The following CSMD1 variants were observed in gnomAD, a reference collection of about 807,000 sequenced individuals.
CSMD1 encodes the protein CUB and sushi domain-containing protein 1.
A neutral mutation model predicts 417.5 loss-of-function variants in CSMD1; 213 were observed. The ratio of observed to expected loss-of-function variants is 0.51; its 90% CI spans 0.46 to 0.57. The LOEUF is 0.57. Ranked by LOEUF, CSMD1 falls within the 20% of genes least tolerant of loss-of-function variation. CSMD1 has a pLI of 0.00. For missense variants in CSMD1, 6,923 were observed against 4,529.7 expected (o/e 1.53, Z -15.17); for synonymous variants, 2,862 against 1,736.8 (o/e 1.65, Z -16.11).
intron 2 of CSMD1, among the ~76,000 whole-genome samples, chr8:4,495,472 G>C (rs1242463260): frequency 6.6e-6 from 1 of 152,086 alleles, no homozygotes. Flanking sequence ...CTACTCGGGA[G>C]GCTGAAGTAG....
chr8:4,097,584 A>C (rs1391604253), intron 3 of CSMD1, among the ~76,000 whole-genome samples: 1 of 152,238 alleles, frequency 6.6e-6, no homozygotes, highest in East Asian at 1.9e-4. Flanking sequence ...TGATTCTAGT[A>C]ACACCCAGAT....
chr8:4,033,441 C>CA (rs1018108093), intron 3 of CSMD1, among the ~76,000 whole-genome samples: 2 of 151,992 alleles, frequency 1.3e-5, no homozygotes, highest in African/African-American at 4.8e-5. Flanking sequence ...GACTCCGCCT[C>CA]AAAAAAACAA....
At chr8:4,016,935 A>T (rs570836718) in intron 4 of CSMD1, among the ~76,000 whole-genome samples, 10 of 152,336 alleles carry the variant, frequency 6.6e-5, no homozygotes, top group Non-Finnish European at 1.2e-4. Context: ...TTGAAATCTC[A>T]AAAGATGAAA....
At chr8:4,004,259 A>G (rs1223807181) in intron 4 of CSMD1, among the ~76,000 whole-genome samples, 1 of 152,120 alleles carries the variant, frequency 6.6e-6, no homozygotes, top group African/African-American at 2.4e-5. Context: ...TCTAAAAAAC[A>G]TCCCAGTAAC....
intron 11 of CSMD1, among the ~76,000 whole-genome samples, chr8:3,477,811 C>T (rs1817517624): frequency 6.6e-6 from 1 of 152,120 alleles, no homozygotes; most frequent in African/African-American, 2.4e-5. Flanking sequence ...TCTCCACCTA[C>T]CCAGCACCTA....
At chr8:3,295,039 C>T (rs12681842) in intron 25 of CSMD1, among the ~76,000 whole-genome samples, 1 of 152,106 alleles carries the variant, frequency 6.6e-6, no homozygotes, top group Non-Finnish European at 1.5e-5. Context: ...TATTGTACTA[C>T]TCTGTGTGTT....
At chr8:3,307,978 C>CAAATCATTACCTCTGTGGAAAGTCTTTAT (rs1805015325) in intron 24 of CSMD1, among the ~76,000 whole-genome samples, 157 bp from the exon 25 acceptor site, 1 of 152,096 alleles carries the variant, frequency 6.6e-6, no homozygotes, top group Non-Finnish European at 1.5e-5. Context: ...ATATTTCTTC[C>CAAATCATTACCTCTGTGGAAAGTCTTTAT]AAATCATTAC....
chr8:3,087,538 G>A lies in CSMD1; in HGVS notation c.7286-253C>T, dbSNP rs1814631100. Reference sequence around the variant, plus strand: ...TAGGATCCTGAATACAGTACTGTGAGAAACATCAAGAGTATCCAATCTTTA... The same window carrying A: ...TAGGATCCTGAATACAGTACTGTGAAAAACATCAAGAGTATCCAATCTTTA... On this transcript the variant is annotated intron_variant, in intron 48 of 69. Coordinates refer to ENST00000635120, the MANE Select transcript of CSMD1 (RefSeq NM_033225.6). Among the ~76,000 whole-genome samples, 3 of 152,202 alleles carry A rather than the reference G, an allele frequency of 2.0e-5. No homozygotes were observed. The South Asian group carries it at 6.2e-4, about 31-fold the overall frequency.
At chr8:4,361,787 C>G (rs1020631347) in intron 3 of CSMD1, among the ~76,000 whole-genome samples, 5 of 152,048 alleles carry the variant, frequency 3.3e-5, no homozygotes, top group African/African-American at 7.2e-5. Flanking sequence ...AACCCCATCT[C>G]TACTAAAAAT....
chr8:3,467,267 A>T (rs773843816), intron 12 of CSMD1, among the ~76,000 whole-genome samples: 1 of 152,178 alleles, frequency 6.6e-6, no homozygotes, highest in African/African-American at 2.4e-5. Context: ...AAACCTCATG[A>T]TGTGTATCTC....
At chr8:4,770,953 A>G (rs1448316004) in intron 1 of CSMD1, among the ~76,000 whole-genome samples, 5 of 152,282 alleles carry the variant, frequency 3.3e-5, no homozygotes, top group Admixed American at 6.5e-5. Flanking sequence ...CAATAAATAA[A>G]TGAGACTACA....
intron 5 of CSMD1, among the ~76,000 whole-genome samples, chr8:3,970,100 C>T (rs910397807): frequency 4.6e-5 from 7 of 152,292 alleles, no homozygotes; most frequent in African/African-American, 1.7e-4. Context: ...TAAAAACCTT[C>T]CTTTGTGAGA....
At chr8:3,094,291 G>C (rs1585331656) in intron 47 of CSMD1, among the ~76,000 whole-genome samples, 1 of 151,932 alleles carries the variant, frequency 6.6e-6, no homozygotes, top group African/African-American at 2.4e-5. Flanking sequence ...TTTTTTAGCA[G>C]AGACGGTTTC....
intron 1 of CSMD1, among the ~76,000 whole-genome samples, chr8:4,800,757 G>A (rs752807598): frequency 6.6e-6 from 1 of 152,162 alleles, no homozygotes; most frequent in African/African-American, 2.4e-5. Flanking sequence ...TTGGTGGGAT[G>A]GGCTTTTGGG....
chr8:2,972,752 G>T (rs1464908810), intron 57 of CSMD1, among the ~76,000 whole-genome samples: 1 of 152,212 alleles, frequency 6.6e-6, no homozygotes, highest in Non-Finnish European at 1.5e-5. Flanking sequence ...CCAGCCTGCG[G>T]AAATTCCCAT....
intron 3 of CSMD1, among the ~76,000 whole-genome samples, chr8:4,286,565 G>A (rs1205033888): frequency 1.3e-5 from 2 of 151,990 alleles, no homozygotes; most frequent in Non-Finnish European, 2.9e-5. Flanking sequence ...ATGATCACGA[G>A]GACACCCAAA....
chr8:4,660,760 A>C (rs1324223317), intron 1 of CSMD1, among the ~76,000 whole-genome samples: 1 of 152,090 alleles, frequency 6.6e-6, no homozygotes, highest in Non-Finnish European at 1.5e-5. Flanking sequence ...TCTATAAAGA[A>C]CTCTCAAAAC....
At chr8:4,992,921 G>A (rs577146925) in intron 1 of CSMD1, among the ~76,000 whole-genome samples, 1 of 152,334 alleles carries the variant, frequency 6.6e-6, no homozygotes, top group Admixed American at 6.5e-5. Flanking sequence ...TGTGAGGGTG[G>A]ATGCCGGTGA....
intron 54 of CSMD1, among the ~76,000 whole-genome samples, chr8:2,982,846 CAGCTGTT>C (rs1805539553): frequency 6.6e-6 from 1 of 152,106 alleles, no homozygotes; most frequent in Non-Finnish European, 1.5e-5. Flanking sequence ...GTTCCTTCTC[CAGCTGTT>C]GATCAATAGA....
Sources: gnomAD v4.1 joint callset for allele counts (sites outside exome capture counted in the v4.1 genomes callset) on GRCh38, gnomAD v4.1.1 for gene constraint, MANE v1.5 for transcripts, NCBI Gene and HGNC (gene_info 2026-07-23, HGNC 2026-07-21) for gene names.